FLG: variants seen among roughly 807,000 people sequenced by gnomAD.
The protein encoded by FLG is filaggrin, also known as epidermal filaggrin.
FLG carries 6 observed loss-of-function variants against 3.8 expected under a neutral mutation model. The observed-to-expected ratio is 1.60, with a 90% CI of 0.87 to 3.15. The LOEUF (loss-of-function observed/expected upper bound fraction) is 3.15. Ranked by LOEUF, FLG falls within the 30% of genes most tolerant of loss-of-function variation. FLG has a pLI of 0.00. For synonymous variants in FLG, 2,551 were observed against 1,931.6 expected (o/e 1.32, Z -8.41); for missense variants, 7,595 against 5,050.9 (o/e 1.50, Z -15.27).
At position 152,308,309 on chromosome 1, in the gene FLG, T is replaced by G; in HGVS notation, c.6577A>C (p.Thr2193Pro). 1.2e-6 allele frequency: 2 copies of G among 1,613,602 alleles called. No individual in the cohort carries two copies. The highest frequency in any genetic ancestry group is 1.7e-6 in the Non-Finnish European group (2 of 1,179,740). Reference sequence around the variant, plus strand: ...TCTCCTGATTGTTCCTTGTCATATGTTTTTCTGCTTGCACTTCTGGATCCT... The same window carrying G: ...TCTCCTGATTGTTCCTTGTCATATGGTTTTCTGCTTGCACTTCTGGATCCT... The part of the protein sequence containing the change: ...QSGSRSASRK[T>P]YDKEQSGDGS... The change falls in exon 3 of 3, where the codon ACA becomes CCA. Residue 2193 changes from threonine to proline, a missense_variant. Thr to Pro is a conservative substitution (Grantham distance 38, BLOSUM62 -1). Coordinates refer to ENST00000368799, the MANE Select transcript of FLG (RefSeq NM_002016.2).
In FLG at chr1:152,314,150, T is replaced by A. The variant is rs767165262; in HGVS notation, c.736A>T (p.Thr246Ser). The change falls in exon 3 of 3, where the codon ACC (threonine) becomes TCC (serine). Residue 246 changes from threonine to serine, a missense_variant. Thr to Ser is a moderately conservative substitution (Grantham distance 58). Coordinates refer to ENST00000368799, the MANE Select transcript of FLG (RefSeq NM_002016.2). ...TTTTCTTCTAATAGACTATCAGTGGTGTCATAGGCTTCATCCTGGATTGTG... is the reference window on the plus strand; with the variant it reads ...TTTTCTTCTAATAGACTATCAGTGGAGTCATAGGCTTCATCCTGGATTGTG... Reference protein sequence around the residue: ...YYTIQDEAYDTTDSLLEENKI... With the variant: ...YYTIQDEAYDSTDSLLEENKI... 6.2e-7 allele frequency: 1 copy of A among 1,614,186 alleles called. No homozygotes were observed. The highest frequency in any genetic ancestry group is 1.1e-5 in the South Asian group (1 of 91,078).
Position 152,309,319 on chromosome 1 carries a change from C to A in FLG, c.5567G>T (p.Arg1856Leu), listed in dbSNP as rs111360507. ...GACACTTCTGGATCCTGACTGCCCA[C>A]GGGAGACATCAGACCTTTCCTGGGA... Reference protein sequence around the residue: ...TTSQERSDVSRGQSGSRSVSR... With the variant: ...TTSQERSDVSLGQSGSRSVSR... Residue 1856 changes from arginine to leucine, a missense_variant, in exon 3 of 3, where the codon CGT (arginine) becomes CTT (leucine). By Grantham distance (102) the Arg-to-Leu change is moderately radical (BLOSUM62 -2). Coordinates refer to ENST00000368799, the MANE Select transcript of FLG (RefSeq NM_002016.2). The A allele has an allele frequency of 5.0e-6, 8 of 1,613,650 alleles. No homozygotes were observed. The highest frequency in any genetic ancestry group is 2.7e-5 in the African/African-American group (2 of 74,738).
chr1:152,313,690 G>C lies in FLG; in HGVS notation c.1196C>G (p.Ala399Gly), dbSNP rs774370689. Residue 399 changes from alanine to glycine, a missense_variant, in exon 3 of 3, where the codon GCC becomes GGC. Coordinates refer to ENST00000368799, the MANE Select transcript of FLG (RefSeq NM_002016.2). ...QQSADSSRHS[A>G]TGRGQASSAV... ...AGATGAAGCTTGCCCGCGCCCAGTG[G>C]CTGAGTGTCTGGAGCTGTCTGCTGA... The C allele has an allele frequency of 1.5e-5, 25 of 1,613,876 alleles. No homozygotes were observed. The highest frequency in any genetic ancestry group is 2.0e-5 in the Non-Finnish European group (24 of 1,180,016).
chr1:152,317,795 A>G (rs552796712), intron 1 of FLG, among the ~76,000 whole-genome samples: 51 of 152,004 alleles, frequency 3.4e-4, no homozygotes, highest in Admixed American at 3.3e-3. Context: ...TCTTGTAGAG[A>G]TCTTAAATCT....
At position 152,310,222 on chromosome 1, in the gene FLG, C is replaced by G; in HGVS notation, c.4664G>C (p.Arg1555Thr). 2 of 1,613,922 alleles carry G rather than the reference C, an allele frequency of 1.2e-6. No homozygotes were observed. Among genetic ancestry groups the G allele is most frequent in the African/African-American group, 1.3e-5 (1 of 74,946 alleles). ...TTCATGGTGACGTGACCCTGAGTGC[C>G]TGGAGCCGTCTCCTGATTGTTCCTC... is the stretch of plus-strand genomic sequence containing the variant. ...RNEEQSGDGS[R>T]HSGSRHHEPS... The change falls in exon 3 of 3, where the codon AGG becomes ACG. Residue 1555 changes from arginine to threonine, a missense_variant. Physicochemically the swap from Arg to Thr is moderately conservative, Grantham distance 71 (BLOSUM62 -1). Coordinates refer to ENST00000368799, the MANE Select transcript of FLG (RefSeq NM_002016.2).
rs1365528906 is a variant in FLG, at chr1:152,310,123, C to T, written c.4763G>A (p.Arg1588Lys). 6 of 1,613,892 alleles carry T rather than the reference C, an allele frequency of 3.7e-6. No individual in the cohort carries two copies. The highest frequency in any genetic ancestry group is 5.1e-6 in the Non-Finnish European group (6 of 1,180,002). ...QGESAGSKTS[R>K]RQGSSVSQDR... ...CTGACTAACACTGGATCCCTGGCGC[C>T]TGCTTGTCTTGGACCCCGCTGATTC... The change falls in exon 3 of 3, where the codon AGG becomes AAG. Residue 1588 changes from arginine (R) to lysine (K), a missense_variant. Arg to Lys is a conservative substitution (Grantham distance 26). Coordinates refer to ENST00000368799, the MANE Select transcript of FLG (RefSeq NM_002016.2).
In FLG at chr1:152,313,283, A is replaced by G. The variant is rs74129464; in HGVS notation, c.1603T>C (p.Ser535Pro). Residue 535 changes from serine to proline, a missense_variant, in exon 3 of 3, where the codon TCG (serine) becomes CCG (proline). By Grantham distance (74) the Ser-to-Pro change is moderately conservative (BLOSUM62 -1). Transcript: ENST00000368799. ...CCTGAGTGTCCAGACCTATTTACCG[A>G]TTGCTCGTGGTGGGATCCCTGCCTT... ...GGRQGSHHEQ[S>P]VNRSGHSGSH... The G allele has an allele frequency of 2.4e-3, 3,843 of 1,613,388 alleles. 70 individuals are homozygous for G. The African/African-American group carries it at 0.04, about 17-fold the overall frequency.
At position 152,308,113 on chromosome 1, in the gene FLG, C is replaced by G; in HGVS notation, c.6773G>C (p.Arg2258Thr). ...DSEGHSEDSE[R>T]RSGSASRNHH... ...GTTTCTGGACGCAGACCCAGACCGC[C>G]TCTCAGAATCTTCTGAGTGTCCCTC... The change falls in exon 3 of 3, where the codon AGG becomes ACG. Residue 2258 changes from arginine to threonine, a missense_variant. By Grantham distance (71) the Arg-to-Thr change is moderately conservative. Transcript: ENST00000368799. The G allele has an allele frequency of 6.2e-7, 1 of 1,613,720 alleles. No individual in the cohort carries two copies. Among genetic ancestry groups the G allele is most frequent in the Non-Finnish European group, 8.5e-7 (1 of 1,179,920 alleles).
rs1440336958 is a variant in FLG, at chr1:152,313,608, C to G, written c.1278G>C (p.Glu426Asp). 2 of 1,613,936 alleles carry G rather than the reference C, an allele frequency of 1.2e-6. No homozygotes were observed. The highest frequency in any genetic ancestry group is 1.3e-5 in the African/African-American group (1 of 74,882). ...GSSGSQASDS[E>D]GHSENSDTQS... is the part of the protein sequence containing the mutation. ...GTGTGTCTGAGTTTTCTGAATGTCC[C>G]TCACTGTCACTGGCCTGACTACCGC... The change falls in exon 3 of 3, where the codon GAG becomes GAC. Residue 426 changes from glutamate to aspartate, a missense_variant. By Grantham distance (45) the Glu-to-Asp change is conservative. Coordinates refer to ENST00000368799, the MANE Select transcript of FLG (RefSeq NM_002016.2).
Position 152,309,919 on chromosome 1 carries a change from C to A in FLG, c.4967G>T (p.Arg1656Leu). ...SAESSRQSGTRHAETSSGGQA... is the reference protein window; with the variant it reads ...SAESSRQSGTLHAETSSGGQA... ...TCCACCAGAGGAAGTCTCTGCATGA[C>A]GAGTGCCTGATTGTCTGGAGCTCTC... is the stretch of plus-strand genomic sequence containing the variant. The change falls in exon 3 of 3, where the codon CGT becomes CTT. Residue 1656 changes from arginine to leucine, a missense_variant. Physicochemically the swap from Arg to Leu is moderately radical, Grantham distance 102. Coordinates refer to ENST00000368799, the MANE Select transcript of FLG (RefSeq NM_002016.2). 6.2e-7 allele frequency: 1 copy of A among 1,614,084 alleles called. No individual in the cohort carries two copies. Among genetic ancestry groups the A allele is most frequent in the Non-Finnish European group, 8.5e-7 (1 of 1,180,016 alleles).
chr1:152,312,151 C>G lies in FLG; in HGVS notation c.2735G>C (p.Arg912Pro). The change falls in exon 3 of 3, where the codon CGT becomes CCT. Residue 912 changes from arginine (R) to proline (P), a missense_variant. Transcript: ENST00000368799. The part of the protein sequence containing the change: ...SRDGSRHSGS[R>P]HHEASSHADI... ...GGCATGAGAGGAAGCTTCATGGTGA[C>G]GTGACCCTGAGTGCCTGGAGCCGTC... 1.9e-6 allele frequency: 3 copies of G among 1,613,838 alleles called. No homozygotes were observed. The highest frequency in any genetic ancestry group is 2.5e-6 in the Non-Finnish European group (3 of 1,179,950).
In FLG at chr1:152,310,914, G is replaced by A. The variant is rs528128566; in HGVS notation, c.3972C>T (p.Asp1324=). 6.2e-7 allele frequency: 1 copy of A among 1,614,088 alleles called. No individual in the cohort carries two copies. Among genetic ancestry groups the A allele is most frequent in the Non-Finnish European group, 8.5e-7 (1 of 1,180,018 alleles). The change falls in exon 3 of 3, where the codon GAC becomes GAT. Residue 1324 remains aspartate (D), a synonymous_variant. Coordinates refer to ENST00000368799, the MANE Select transcript of FLG (RefSeq NM_002016.2). ...EDRASHGHSA[D]SSRQSGTHHT... is the part of the protein sequence containing the mutation. ...GATGAGTGCCTGATTGTCTGGAGCT[G>A]TCTGCAGAGTGCCCGTGACTGGCTC...
rs375986526 is a variant in FLG, at chr1:152,308,451, G to A, written c.6435C>T (p.Ser2145=). ...GGTGGGACCCCTGTCTTCCTCCTCT[G>A]CTTGGCCCCGGGTGTCCACGAATGG... ...QDTIRGHPGP[S]RGGRQGSHQE... The change falls in exon 3 of 3, where the codon AGC becomes AGT. Residue 2145 remains serine, a synonymous_variant. Coordinates refer to ENST00000368799, the MANE Select transcript of FLG (RefSeq NM_002016.2). 1 of 1,613,782 alleles carries A rather than the reference G, an allele frequency of 6.2e-7. No individual in the cohort carries two copies. Among genetic ancestry groups the A allele is most frequent in the South Asian group, 1.1e-5 (1 of 91,054 alleles).
In FLG at chr1:152,313,233, G is replaced by A; in HGVS notation, c.1653C>T (p.Ser551=). ...CATGGGAGGCATCAGACCTTCCCTG[G>A]GATGTGGTGTGGCTGTGATGGGAAC... ...HSGSHHSHTT[S]QGRSDASHGQ... is the part of the protein sequence containing the mutation. The change falls in exon 3 of 3, where the codon TCC becomes TCT. Residue 551 remains serine (S), a synonymous_variant. Coordinates refer to ENST00000368799, the MANE Select transcript of FLG (RefSeq NM_002016.2). The A allele has an allele frequency of 1.2e-6, 2 of 1,613,808 alleles. No individual in the cohort carries two copies. The highest frequency in any genetic ancestry group is 1.1e-5 in the South Asian group (1 of 91,054).
chr1:152,324,474 G>A (rs1653083210), intron 1 of FLG, among the ~76,000 whole-genome samples: 1 of 151,798 alleles, frequency 6.6e-6, no homozygotes, highest in Non-Finnish European at 1.5e-5. Context: ...GCCTTGGCTA[G>A]TTTCTTTTGT....
Position 152,303,886 on chromosome 1 carries a change from C to T in FLG, c.11000G>A (p.Ser3667Asn), listed in dbSNP as rs202076818. Residue 3667 changes from serine (S) to asparagine (N), a missense_variant, in exon 3 of 3, where the codon AGT (serine) becomes AAT (asparagine). Physicochemically the swap from Ser to Asn is conservative, Grantham distance 46. Coordinates refer to ENST00000368799, the MANE Select transcript of FLG (RefSeq NM_002016.2). ...GTCTGAGTCTTCTGAATGTCCCTCA[C>T]TGTCACTGGCCTGACTACCACTGGA... ...RGSSGSQASD[S>N]EGHSEDSDTQ... 3.9e-5 allele frequency: 63 copies of T among 1,613,758 alleles called. No homozygotes were observed. Among genetic ancestry groups the T allele is most frequent in the Middle Eastern group, 1.6e-4 (1 of 6,062 alleles).
In FLG at chr1:152,311,504, C is replaced by T; in HGVS notation, c.3382G>A (p.Glu1128Lys). ...GTCCTGGTCCGCCCATGGGCAGACT[C>T]AGACTGTTCATGAGTGCTCACCTGG... is the stretch of plus-strand genomic sequence containing the variant. ...IYQVSTHEQSESAHGRTRTST... is the reference protein window; with the variant it reads ...IYQVSTHEQSKSAHGRTRTST... The change falls in exon 3 of 3, where the codon GAG (glutamate) becomes AAG (lysine). Residue 1128 changes from glutamate to lysine, a missense_variant. By Grantham distance (56) the Glu-to-Lys change is moderately conservative. Transcript: ENST00000368799. 6.2e-7 allele frequency: 1 copy of T among 1,613,864 alleles called. No individual in the cohort carries two copies. The highest frequency in any genetic ancestry group is 8.5e-7 in the Non-Finnish European group (1 of 1,179,964).
chr1:152,313,750 C>T lies in FLG; in HGVS notation c.1136G>A (p.Ser379Asn). 1 of 1,614,098 alleles carries T rather than the reference C, an allele frequency of 6.2e-7. No individual in the cohort carries two copies. Among genetic ancestry groups the T allele is most frequent in the East Asian group, 2.2e-5 (1 of 44,870 alleles). ...GCCGGATCCATGTCTTTCTCCTGGACTTGATCTTGCCTGTTCATGGGATGA... is the reference window on the plus strand; with the variant it reads ...GCCGGATCCATGTCTTTCTCCTGGATTTGATCTTGCCTGTTCATGGGATGA... Reference protein sequence around the residue: ...TASSHEQARSSPGERHGSGHQ... With the variant: ...TASSHEQARSNPGERHGSGHQ... The change falls in exon 3 of 3, where the codon AGT becomes AAT. Residue 379 changes from serine (S) to asparagine (N), a missense_variant. Transcript: ENST00000368799.
rs1651965846 is a variant in FLG at position 152,306,339 on chromosome 1, GTC to G, written c.8545_8546del (p.Asp2849ArgfsTer11). The G allele has an allele frequency of 6.2e-7, 1 of 1,601,872 alleles. No individual in the cohort carries two copies. Among genetic ancestry groups the G allele is most frequent in the Non-Finnish European group, 8.5e-7 (1 of 1,179,760 alleles). On this transcript the variant is annotated frameshift_variant, in exon 3 of 3. Coordinates refer to ENST00000368799, the MANE Select transcript of FLG (RefSeq NM_002016.2). LOFTEE classifies it low-confidence loss of function (END_TRUNC). ...GACGCGACCCTGAGTGCCTGGAGCC[GTC>G]TCCTGATTGTTCCTCATTACGTGTT... ...RTTRNEEQSG[D>X]GSRHSGSRHH...
Sources: allele counts gnomAD v4.1 joint callset (sites outside exome capture counted in the v4.1 genomes callset), GRCh38; gene constraint gnomAD v4.1.1; transcripts MANE v1.5; gene names NCBI Gene and HGNC (gene_info 2026-07-23, HGNC 2026-07-21).